Variants in NFIX observed in about 807,000 individuals in gnomAD.
NFIX encodes nuclear factor I X.
In NFIX, 2 loss-of-function variants were observed where a neutral mutation model predicts 53.3. The ratio of observed to expected loss-of-function variants is 0.04; its 90% confidence interval spans 0.02 to 0.12. NFIX has a LOEUF of 0.12. Ranked by LOEUF, NFIX falls within the 10% of genes least tolerant of loss-of-function variation. NFIX has a pLI of 1.00. For missense variants in NFIX, 310 were observed against 674.5 expected, an observed-to-expected ratio of 0.46 and a Z score of 5.99; for synonymous variants, 244 against 289.0, an observed-to-expected ratio of 0.84 and a Z score of 1.58.
At chr19:13,004,453 C>G (rs1334659408) in intron 1 of NFIX, among the ~76,000 whole-genome samples, 1 of 152,158 alleles carries the variant, frequency 6.6e-6, no homozygotes. Context: ...TCCAGTGTTA[C>G]CCCAGCACAC....
Position 13,094,888 on chromosome 19 carries a change from G to A in NFIX, c.*239G>A, listed in dbSNP as rs375166012. On this transcript the variant is annotated 3_prime_UTR_variant, in exon 11 of 11. Transcript: ENST00000592199. This position sits in a 1 kb window ranked among gnomAD's most constrained non-coding sequence, Gnocchi z 4.3. ...GTCTCGGTGGAGCTGTGCACCAGCAGCCAAGCAGAAAGAAACACGCGACAT... is the reference window on the plus strand; with the variant it reads ...GTCTCGGTGGAGCTGTGCACCAGCAACCAAGCAGAAAGAAACACGCGACAT... 3.6e-3 allele frequency: 1,869 copies of A among 525,648 alleles called. 3 individuals carry two copies. Among genetic ancestry groups the A allele is most frequent in the South Asian group, 9.4e-3 (383 of 40,870 alleles). 32.6% of individuals were successfully genotyped at this position (525,648 alleles called of 1,614,324 possible).
At chr19:13,091,376 T>TC (rs2018126191) in intron 10 of NFIX, among the ~76,000 whole-genome samples, 1 of 147,880 alleles carries the variant, frequency 6.8e-6, no homozygotes, top group East Asian at 1.9e-4. Context: ...TTGTTTTTTT[T>TC]TTTTTCTTTT....
chr19:13,065,753 T>C (rs553981242), intron 2 of NFIX, among the ~76,000 whole-genome samples: 82 of 152,256 alleles, frequency 5.4e-4, no homozygotes, highest in Non-Finnish European at 9.7e-4. Context: ...TGCCGCTCCA[T>C]GCCTGGGCCC....
At chr19:13,032,331 T>C (rs774782056) in intron 2 of NFIX, among the ~76,000 whole-genome samples, 4 of 152,046 alleles carry the variant, frequency 2.6e-5, no homozygotes, top group Non-Finnish European at 4.4e-5. Flanking sequence ...GTGTAGGGGT[T>C]TAAATATAGT....
In NFIX at chr19:13,021,083, A is replaced by C. The variant is rs941569474; in HGVS notation, c.28-3938A>C. ...ACACCTCCATGCCAAATATAAACTC[A>C]CTTGTAGTTTTTAATGACCTCATCT... On this transcript the variant is annotated intron_variant, in intron 1 of 10. Coordinates refer to ENST00000592199, the MANE Select transcript of NFIX (RefSeq NM_001365902.3). This position sits in a 1 kb window ranked among gnomAD's most constrained non-coding sequence, Gnocchi z 4.2. 2.0e-5 allele frequency among the ~76,000 whole-genome samples: 3 copies of C among 152,038 alleles called. No homozygotes were observed. Among genetic ancestry groups the C allele is most frequent in the African/African-American group, 7.3e-5 (3 of 41,350 alleles).
Position 13,045,650 on chromosome 19 carries a change from G to C in NFIX, c.559+20098G>C, listed in dbSNP as rs1177678849. Among the ~76,000 whole-genome samples the C allele has an allele frequency of 6.6e-6, 1 of 152,206 alleles. No homozygotes were observed. The highest frequency in any genetic ancestry group is 2.4e-5 in the African/African-American group (1 of 41,444). On this transcript the variant is annotated intron_variant, in intron 2 of 10. Coordinates refer to ENST00000592199, the MANE Select transcript of NFIX (RefSeq NM_001365902.3). This position sits in a 1 kb window ranked among gnomAD's most constrained non-coding sequence, Gnocchi z 4.4. The stretch of plus-strand genomic sequence containing the variant: ...AGTCTGTTGCCAGGGAGGTAGGAGA[G>C]AGGGGCAGCAGGCACACTGGGTTGA...
rs34772188 is a variant in NFIX, at chr19:13,019,118, A to ATTTT, written c.28-5893_28-5890dup. Among the ~76,000 whole-genome samples the ATTTT allele has an allele frequency of 3.0e-3, 446 of 148,944 alleles. 6 individuals carry two copies. Among genetic ancestry groups the ATTTT allele is most frequent in the African/African-American group, 0.011 (435 of 40,600 alleles). On this transcript the variant is annotated intron_variant, in intron 1 of 10. Coordinates refer to ENST00000592199, the MANE Select transcript of NFIX (RefSeq NM_001365902.3). ...AGCCAGCAGGATGTGGACACATAGG[A>ATTTT]TTTTTTTTTTTTTAAGATAAAGAAG...
intron 2 of NFIX, among the ~76,000 whole-genome samples, chr19:13,033,844 G>A (rs2013989369): frequency 6.6e-6 from 1 of 152,200 alleles, no homozygotes; most frequent in African/African-American, 2.4e-5. Flanking sequence ...CCTAGAAGAC[G>A]ACCTACTTGA....
rs2145123520 is a variant in NFIX at position 12,998,218 on chromosome 19, A to G, written c.27+2354A>G. Among the ~76,000 whole-genome samples the G allele has an allele frequency of 6.7e-6, 1 of 149,186 alleles. No homozygotes were observed. The highest frequency in any genetic ancestry group is 1.5e-5 in the Non-Finnish European group (1 of 67,368). On this transcript the variant is annotated intron_variant, in intron 1 of 10. Transcript: ENST00000592199. The surrounding 1 kb of genome is among the most constrained non-coding windows in gnomAD (Gnocchi z 4.4). ...ATCTCTGTCCTTTTGTATGTCTCTG[A>G]CTGTCTCTGTCTCTGATTCCAGTTT... is the stretch of plus-strand genomic sequence containing the variant.
intron 2 of NFIX, among the ~76,000 whole-genome samples, chr19:13,047,911 G>A (rs183952621): frequency 1.1e-4 from 16 of 152,200 alleles, no homozygotes; most frequent in Admixed American, 4.6e-4. Flanking sequence ...CTCTTGTTCC[G>A]TCTGCTCGAT....
chr19:13,005,064 G>A lies in NFIX; in HGVS notation c.27+9200G>A, dbSNP rs1242999650. ...ACTCCTGGCCTCAAGTGATCCGCCC[G>A]CCTCGGCCTCCCAAAGTGCTGGGAT... On this transcript the variant is annotated intron_variant, in intron 1 of 10. Coordinates refer to ENST00000592199, the MANE Select transcript of NFIX (RefSeq NM_001365902.3). This position sits in a 1 kb window ranked among gnomAD's most constrained non-coding sequence, Gnocchi z 4.7. Among the ~76,000 whole-genome samples, 5 of 152,022 alleles carry A rather than the reference G, an allele frequency of 3.3e-5. 1 individual carries two copies. The South Asian group carries it at 1.0e-3, about 32-fold the overall frequency.
chr19:13,057,189 C>G (rs551282709), intron 2 of NFIX, among the ~76,000 whole-genome samples: 7 of 152,346 alleles, frequency 4.6e-5, no homozygotes, highest in Admixed American at 1.3e-4. Flanking sequence ...CTGGGCCCAG[C>G]CAGTAGCGGG....
chr19:13,022,434 G>T lies in NFIX; in HGVS notation c.28-2587G>T, dbSNP rs1464807963. Among the ~76,000 whole-genome samples the T allele has an allele frequency of 6.6e-6, 1 of 152,058 alleles. No individual in the cohort carries two copies. ...CAGCCAGACCTGGGGGCATCACAAG[G>T]TGGCAGTACCCTGGGCACCAGATCC... On this transcript the variant is annotated intron_variant, in intron 1 of 10. Coordinates refer to ENST00000592199, the MANE Select transcript of NFIX (RefSeq NM_001365902.3). The surrounding 1 kb of genome is among the most constrained non-coding windows in gnomAD (Gnocchi z 4.5).
Position 13,022,542 on chromosome 19 carries a change from G to A in NFIX, c.28-2479G>A, listed in dbSNP as rs2012994941. On this transcript the variant is annotated intron_variant, in intron 1 of 10. Transcript: ENST00000592199. This position sits in a 1 kb window ranked among gnomAD's most constrained non-coding sequence, Gnocchi z 4.5. ...TATTCATAGCACCGCAGGCCCGTGT[G>A]TATGTGGCCGGGGAGGAAAACTTCC... 1.3e-5 allele frequency among the ~76,000 whole-genome samples: 2 copies of A among 151,946 alleles called. No homozygotes were observed. The highest frequency in any genetic ancestry group is 4.2e-4 in the South Asian group (2 of 4,816).
intron 2 of NFIX, among the ~76,000 whole-genome samples, chr19:13,058,446 C>T (rs960827446): frequency 4.0e-5 from 6 of 151,706 alleles, no homozygotes; most frequent in East Asian, 2.0e-4. Flanking sequence ...CCCAGGGGTT[C>T]GAGACCAGCC....
chr19:12,999,575 C>T (rs933155947), intron 1 of NFIX, among the ~76,000 whole-genome samples: 27 of 152,260 alleles, frequency 1.8e-4, no homozygotes, highest in East Asian at 5.8e-4. Flanking sequence ...GCAAACATGC[C>T]GACATTTGCT....
rs2017956913 is a variant in NFIX at position 13,088,794 on chromosome 19, G to A, written c.1402+658G>A. On this transcript the variant is annotated intron_variant, in intron 9 of 10. Coordinates refer to ENST00000592199, the MANE Select transcript of NFIX (RefSeq NM_001365902.3). The surrounding 1 kb of genome is among the most constrained non-coding windows in gnomAD (Gnocchi z 5.9). ...GTTAGATGTTCCAAGGACGAGGGAGGGCTGTGGGCTTTGGCTTACTTCATC... is the reference window on the plus strand; with the variant it reads ...GTTAGATGTTCCAAGGACGAGGGAGAGCTGTGGGCTTTGGCTTACTTCATC... Among the ~76,000 whole-genome samples, 1 of 151,986 alleles carries A rather than the reference G, an allele frequency of 6.6e-6. No homozygotes were observed. Among genetic ancestry groups the A allele is most frequent in the Admixed American group, 6.5e-5 (1 of 15,276 alleles).
chr19:13,035,501 C>G (rs1478763367), intron 2 of NFIX, among the ~76,000 whole-genome samples: 2 of 152,236 alleles, frequency 1.3e-5, no homozygotes, highest in Non-Finnish European at 2.9e-5. Context: ...AGGCCCGTAT[C>G]AGACCCCAAA....
intron 1 of NFIX, among the ~76,000 whole-genome samples, chr19:13,010,808 C>T (rs750901173): frequency 5.9e-5 from 9 of 152,286 alleles, no homozygotes; most frequent in Non-Finnish European, 1.2e-4. Context: ...CATCTGGCTT[C>T]AAAGCGGCAT....
Sources: allele counts gnomAD v4.1 joint callset (sites outside exome capture counted in the v4.1 genomes callset), GRCh38; gene constraint gnomAD v4.1.1; non-coding constraint Gnocchi (gnomAD v3.1); transcripts MANE v1.5; gene names NCBI Gene and HGNC (gene_info 2026-07-23, HGNC 2026-07-21).